The following WDR27 variants were observed in gnomAD, a reference collection of about 807,000 sequenced individuals.
WDR27 encodes the protein WD repeat-containing protein 27.
A neutral mutation model predicts 114.4 loss-of-function variants in WDR27; 100 were observed. The observed-to-expected ratio is 0.87, with a 90% confidence interval of 0.74 to 1.03. The LOEUF (loss-of-function observed/expected upper bound fraction) is 1.03. Ranked by LOEUF, WDR27 falls within the 50% of genes least tolerant of loss-of-function variation. The pLI is 0.00. For synonymous variants in WDR27, 449 were observed against 423.1 expected (o/e 1.06, Z -0.75); for missense variants, 1,129 against 1,092.9 (o/e 1.03, Z -0.47).
At chr6:169,469,695 A>G (rs1403724769) in intron 25 of WDR27, among the ~76,000 whole-genome samples, 1 of 152,066 alleles carries the variant, frequency 6.6e-6, no homozygotes, top group African/African-American at 2.4e-5. Flanking sequence ...TTACAGCCAA[A>G]GAGCCCTACA....
At chr6:169,458,157 T>C (rs1476094337) in intron 25 of WDR27, among the ~76,000 whole-genome samples, 2 of 152,178 alleles carry the variant, frequency 1.3e-5, no homozygotes, top group Non-Finnish European at 2.9e-5. Flanking sequence ...GTGGTTAATT[T>C]TTGTCAACTT....
chr6:169,694,799 C>T (rs955242758), intron 1 of WDR27, among the ~76,000 whole-genome samples: 14 of 152,234 alleles, frequency 9.2e-5, no homozygotes, highest in African/African-American at 2.9e-4. Flanking sequence ...AAAAGATGGG[C>T]GGCAGCACCT....
Position 169,503,516 on chromosome 6 carries a change from T to C in WDR27, c.2646-45882A>G, listed in dbSNP as rs535548533. On this transcript the variant is annotated intron_variant, in intron 25 of 25. Transcript: ENST00000448612. ...AGTTCAGGGAACAGGATTCTCTTTCTAGGCTTCCAAGAGCCGTCCCCAGAC... is the reference window on the plus strand; with the variant it reads ...AGTTCAGGGAACAGGATTCTCTTTCCAGGCTTCCAAGAGCCGTCCCCAGAC... Among the ~76,000 whole-genome samples the C allele has an allele frequency of 4.6e-5, 7 of 152,340 alleles. No homozygotes were observed. The South Asian group carries it at 1.2e-3, about 27-fold the overall frequency.
intron 25 of WDR27, among the ~76,000 whole-genome samples, chr6:169,481,463 G>C (rs189969818): frequency 6.6e-6 from 1 of 152,184 alleles, no homozygotes; most frequent in African/African-American, 2.4e-5. Context: ...TCCCTTCCAC[G>C]CTGTGGAAAC....
chr6:169,481,755 C>A (rs576448901), intron 25 of WDR27, among the ~76,000 whole-genome samples: 1 of 152,284 alleles, frequency 6.6e-6, no homozygotes, highest in Non-Finnish European at 1.5e-5. Flanking sequence ...CAACTCCAGA[C>A]GTGCCTCCTT....
At chr6:169,674,295 C>T (rs1435182206) in intron 2 of WDR27, among the ~76,000 whole-genome samples, 2 of 152,130 alleles carry the variant, frequency 1.3e-5, no homozygotes, top group Non-Finnish European at 2.9e-5. Flanking sequence ...AAAACTGATC[C>T]AAATGTTAGA....
At chr6:169,581,859 C>T (rs890267882) in intron 24 of WDR27, among the ~76,000 whole-genome samples, 9 of 152,196 alleles carry the variant, frequency 5.9e-5, no homozygotes, top group African/African-American at 9.7e-5. Context: ...TGGTCACACG[C>T]GCTAGGCCAG....
At chr6:169,587,712 T>C (rs1297136018) in intron 23 of WDR27, among the ~76,000 whole-genome samples, 1 of 152,246 alleles carries the variant, frequency 6.6e-6, no homozygotes, top group African/African-American at 2.4e-5. Flanking sequence ...ACAGTATGCC[T>C]TTCTCATAAC....
Position 169,659,539 on chromosome 6 carries a change from G to A in WDR27, c.1130-21C>T. 1 of 1,599,516 alleles carries A rather than the reference G, an allele frequency of 6.3e-7. No individual in the cohort carries two copies. Among genetic ancestry groups the A allele is most frequent in the African/African-American group, 1.3e-5 (1 of 74,782 alleles). ...GAAATCTTCAGTTGAGCGAAGACCA[G>A]GAAGAACATGATGGGGAGGGAGGTA... is the stretch of plus-strand genomic sequence containing the variant. On this transcript the variant is annotated intron_variant, in intron 10 of 25. Coordinates refer to ENST00000448612, the MANE Select transcript of WDR27 (RefSeq NM_182552.5). This position sits in a 1 kb window ranked among gnomAD's most constrained non-coding sequence, Gnocchi z 4.3.
At chr6:169,513,191 C>A (rs1314660910) in intron 25 of WDR27, among the ~76,000 whole-genome samples, 1 of 152,062 alleles carries the variant, frequency 6.6e-6, no homozygotes, top group African/African-American at 2.4e-5. Context: ...TCTGGGGGCA[C>A]CTAGACAGTC....
chr6:169,487,568 T>C (rs1012440951), intron 25 of WDR27, among the ~76,000 whole-genome samples: 1 of 152,154 alleles, frequency 6.6e-6, no homozygotes, highest in Admixed American at 6.5e-5. Flanking sequence ...GGGGAAGATA[T>C]TGGCATATAA....
At chr6:169,517,809 G>A (rs1375660582) in intron 25 of WDR27, among the ~76,000 whole-genome samples, 3 of 152,202 alleles carry the variant, frequency 2.0e-5, no homozygotes, top group African/African-American at 4.8e-5. Flanking sequence ...GGTTTCTAAT[G>A]AGAAATCAAC....
At chr6:169,462,043 T>C (rs533456127) in intron 25 of WDR27, among the ~76,000 whole-genome samples, 1 of 151,816 alleles carries the variant, frequency 6.6e-6, no homozygotes, top group East Asian at 1.9e-4. Context: ...CTAGATAAAA[T>C]GTACACATTC....
At chr6:169,596,337 A>G (rs999715354) in intron 23 of WDR27, among the ~76,000 whole-genome samples, 1 of 151,810 alleles carries the variant, frequency 6.6e-6, no homozygotes, top group Non-Finnish European at 1.5e-5. Context: ...TCTCATTTGT[A>G]TCCTTTTTCC....
At chr6:169,496,864 C>T (rs1022355417) in intron 25 of WDR27, among the ~76,000 whole-genome samples, 5 of 152,034 alleles carry the variant, frequency 3.3e-5, no homozygotes, top group African/African-American at 1.2e-4. Context: ...ATCTATATTA[C>T]CCAAAGTGCT....
At chr6:169,658,381 G>GA in intron 12 of WDR27, 23 bp from the exon 13 acceptor site, 1 of 1,555,280 alleles carries the variant, frequency 6.4e-7, no homozygotes, top group South Asian at 1.2e-5. Flanking sequence ...CAAGCCCCAT[G>GA]AAACTAGGAG....
chr6:169,527,941 C>A (rs952498491), intron 25 of WDR27, among the ~76,000 whole-genome samples: 12 of 151,876 alleles, frequency 7.9e-5, no homozygotes, highest in African/African-American at 2.7e-4. Context: ...CCAAATAATA[C>A]CTAAAATTTG....
At position 169,602,241 on chromosome 6, in the gene WDR27, G is replaced by A. The variant is rs1227849286; in HGVS notation, c.2402C>T (p.Ala801Val). The A allele has an allele frequency of 1.9e-6, 3 of 1,560,712 alleles. No homozygotes were observed. Among genetic ancestry groups the A allele is most frequent in the East Asian group, 2.4e-5 (1 of 41,920 alleles). The change falls in exon 23 of 26, where the codon GCT becomes GTT. Residue 801 changes from alanine (A) to valine (V), a missense_variant. Transcript: ENST00000448612. ...IAFSPCGRFAACGAEDRHAYV... is the reference protein window; with the variant it reads ...IAFSPCGRFAVCGAEDRHAYV... The stretch of plus-strand genomic sequence containing the variant: ...TACGTGTCTGTCCTCGGCCCCACAA[G>A]CCGCGAATCGTCCACAAGGACTGAA...
At chr6:169,559,883 CT>C (rs1799450638) in intron 25 of WDR27, 1 of 152,206 alleles carries the variant, frequency 6.6e-6, no homozygotes, top group African/African-American at 2.4e-5. Context: ...CCACTGTGTG[CT>C]TTTGTTCAGG....
Sources: gnomAD v4.1 joint callset for allele counts (sites outside exome capture counted in the v4.1 genomes callset) on GRCh38, gnomAD v4.1.1 for gene constraint, Gnocchi (gnomAD v3.1) non-coding constraint, MANE v1.5 for transcripts, NCBI Gene and HGNC (gene_info 2026-07-23, HGNC 2026-07-21) for gene names.